Variants in MKLN1 observed in about 807,000 individuals in gnomAD.
MKLN1 encodes the protein muskelin.
Under a neutral mutation model 99.0 loss-of-function variants are expected in MKLN1, and 18 were observed. The ratio of observed to expected loss-of-function variants is 0.18; its 90% CI spans 0.13 to 0.27. The LOEUF is 0.27. MKLN1 is among the 10% of genes least tolerant of loss of function. The probability of loss-of-function intolerance (pLI) is 1.00; values close to 1 mark genes in which losing one functional copy is unlikely to be tolerated. For missense variants in MKLN1, 621 were observed against 875.9 expected (o/e 0.71, Z 3.67); for synonymous variants, 288 against 293.2 (o/e 0.98, Z 0.18).
At chr7:131,354,884 A>G (rs939792560) in intron 1 of MKLN1, among the ~76,000 whole-genome samples, 10 of 152,112 alleles carry the variant, frequency 6.6e-5, no homozygotes, top group East Asian at 1.9e-4. Context: ...CCCAACCCCA[A>G]TGATTTATGA....
At chr7:131,406,295 A>G (rs1054347253) in intron 6 of MKLN1, among the ~76,000 whole-genome samples, 4 of 151,556 alleles carry the variant, frequency 2.6e-5, no homozygotes. Flanking sequence ...ATTTAAATAA[A>G]GAAAATTTTA....
chr7:131,186,371 G>T (rs920301524), intron 2 of MKLN1, among the ~76,000 whole-genome samples: 1 of 152,150 alleles, frequency 6.6e-6, no homozygotes, highest in African/African-American at 2.4e-5. Context: ...AGCTGGGCAT[G>T]GTAGCACACG....
intron 17 of MKLN1, among the ~76,000 whole-genome samples, chr7:131,485,405 A>G (rs955828869): frequency 1.6e-4 from 24 of 152,120 alleles, no homozygotes; most frequent in African/African-American, 5.8e-4. Context: ...AATCACCATC[A>G]TATAACTGAT....
chr7:131,264,401 A>G (rs1797777890), intron 3 of MKLN1, among the ~76,000 whole-genome samples: 2 of 152,190 alleles, frequency 1.3e-5, no homozygotes, highest in Non-Finnish European at 2.9e-5. Flanking sequence ...AAAACTATGC[A>G]TCTGTCCTCT....
At chr7:131,206,563 TTA>T (rs1796814487) in intron 3 of MKLN1, among the ~76,000 whole-genome samples, 2 of 149,964 alleles carry the variant, frequency 1.3e-5, no homozygotes, top group African/African-American at 2.4e-5. Flanking sequence ...GTTATTATTA[TTA>T]TTATTTTAGA....
At chr7:131,151,035 A>G (rs879529465) in intron 2 of MKLN1, among the ~76,000 whole-genome samples, 27 of 152,250 alleles carry the variant, frequency 1.8e-4, no homozygotes, top group Non-Finnish European at 3.5e-4. Flanking sequence ...ATGATAAAAC[A>G]TGCAGTATCT....
intron 2 of MKLN1, among the ~76,000 whole-genome samples, chr7:131,201,379 T>C (rs1796726072): frequency 6.6e-6 from 1 of 152,188 alleles, no homozygotes; most frequent in Non-Finnish European, 1.5e-5. Flanking sequence ...TAAGGCATAC[T>C]GAGGAAGCAC....
In MKLN1 at chr7:131,328,004, G is replaced by C; in HGVS notation, c.98+7G>C. 2 of 1,613,702 alleles carry C rather than the reference G, an allele frequency of 1.2e-6. No homozygotes were observed. Among genetic ancestry groups the C allele is most frequent in the Non-Finnish European group, 1.7e-6 (2 of 1,179,810 alleles). ...CCTCCACCTACCTTCCCGAGTAAGT[G>C]CCGGGCCTTGAGCTCGTGCTGCCCC... is the stretch of plus-strand genomic sequence containing the variant. On this transcript the variant is annotated splice_region_variant and intron_variant, in intron 1 of 17. Coordinates refer to ENST00000352689, the MANE Select transcript of MKLN1 (RefSeq NM_013255.5).
chr7:131,445,925 T>C, intron 12 of MKLN1, 22 bp downstream of exon 12: 1 of 1,538,488 alleles, frequency 6.5e-7, no homozygotes, highest in South Asian at 1.3e-5. Context: ...GAGTGATTTC[T>C]TCTCTCATGT....
chr7:131,219,296 C>T (rs925760291), intron 3 of MKLN1, among the ~76,000 whole-genome samples: 1 of 151,900 alleles, frequency 6.6e-6, no homozygotes, highest in African/African-American at 2.4e-5. Context: ...TGCAGAATGC[C>T]TGATATAATA....
intron 3 of MKLN1, among the ~76,000 whole-genome samples, chr7:131,216,411 A>G (rs190656032): frequency 1.4e-5 from 2 of 142,950 alleles, no homozygotes; most frequent in Non-Finnish European, 3.0e-5. Context: ...CGACAGACTG[A>G]GTCTCTGACT....
intron 6 of MKLN1, among the ~76,000 whole-genome samples, chr7:131,401,795 G>A (rs1193336121): frequency 6.6e-6 from 1 of 151,906 alleles, no homozygotes; most frequent in Non-Finnish European, 1.5e-5. Flanking sequence ...AGCCTCTTAA[G>A]GTACAGTGGC....
intron 1 of MKLN1, among the ~76,000 whole-genome samples, chr7:131,331,188 A>G (rs1422713143): frequency 9.2e-5 from 14 of 152,140 alleles, no homozygotes; most frequent in Non-Finnish European, 1.6e-4. Context: ...GGTATTTTAT[A>G]TATGTTTTGT....
intron 2 of MKLN1, among the ~76,000 whole-genome samples, chr7:131,167,292 G>A (rs1421393442): frequency 6.6e-6 from 1 of 152,158 alleles, no homozygotes; most frequent in Admixed American, 6.5e-5. Context: ...TTGGCAGTAA[G>A]TATAAAGAGT....
chr7:131,449,566 T>G (rs968766304), intron 12 of MKLN1, among the ~76,000 whole-genome samples: 7 of 152,224 alleles, frequency 4.6e-5, no homozygotes, highest in Non-Finnish European at 1.0e-4. Flanking sequence ...CACCTAAAAC[T>G]GTTGCAGTTA....
intron 3 of MKLN1, among the ~76,000 whole-genome samples, chr7:131,234,530 G>T (rs1311106750): frequency 6.6e-6 from 1 of 152,166 alleles, no homozygotes; most frequent in Non-Finnish European, 1.5e-5. Context: ...GGCTAGGCCA[G>T]CTTGTGTTCT....
At chr7:131,311,948 G>A (rs13230692) in intron 3 of MKLN1, among the ~76,000 whole-genome samples, 74,613 of 151,786 alleles carry the variant, frequency 0.49, 18,860 homozygotes, top group Admixed American at 0.6. Flanking sequence ...TTAATCCTAA[G>A]GCTAATTTCA....
intron 2 of MKLN1, among the ~76,000 whole-genome samples, chr7:131,379,651 C>T (rs996977582): frequency 6.6e-6 from 1 of 152,076 alleles, no homozygotes; most frequent in African/African-American, 2.4e-5. Flanking sequence ...TTTGATAGCA[C>T]AATAGGCTGA....
At chr7:131,442,813 A>G (rs1311849429) in intron 10 of MKLN1, among the ~76,000 whole-genome samples, 1 of 152,196 alleles carries the variant, frequency 6.6e-6, no homozygotes, top group Non-Finnish European at 1.5e-5. Flanking sequence ...TTTTTATGAA[A>G]AGTTATAATC....
Sources: allele counts gnomAD v4.1 joint callset (sites outside exome capture counted in the v4.1 genomes callset), GRCh38; gene constraint gnomAD v4.1.1; transcripts MANE v1.5; gene names NCBI Gene and HGNC (gene_info 2026-07-23, HGNC 2026-07-21).